Variants in MAPKAP1 observed in about 807,000 individuals in gnomAD.
MAPKAP1 encodes MAPK associated protein 1, also known as target of rapamycin complex 2 subunit MAPKAP1.
A neutral mutation model predicts 65.7 loss-of-function variants in MAPKAP1; 20 were observed. The ratio of observed to expected loss-of-function variants is 0.30; its 90% CI spans 0.21 to 0.44. The LOEUF (loss-of-function observed/expected upper bound fraction) is 0.44, where lower values mean the gene tolerates loss of function less well. Ranked by LOEUF, MAPKAP1 falls within the 20% of genes least tolerant of loss-of-function variation. The pLI, the probability that MAPKAP1 is intolerant of heterozygous loss-of-function variation, is 1.00. For missense variants in MAPKAP1, 423 were observed against 648.0 expected, an observed-to-expected ratio of 0.65 and a Z score of 3.77; for synonymous variants, 222 against 244.3, an observed-to-expected ratio of 0.91 and a Z score of 0.85.
intron 4 of MAPKAP1, among the ~76,000 whole-genome samples, chr9:125,602,146 G>C (rs1259449101): frequency 6.6e-6 from 1 of 152,110 alleles, no homozygotes; most frequent in Non-Finnish European, 1.5e-5. Flanking sequence ...TCAGCTATTC[G>C]GGAAGCTGAT....
Position 125,585,643 on chromosome 9 carries a change from C to T in MAPKAP1, c.583G>A (p.Val195Met), listed in dbSNP as rs369629455. Residue 195 changes from valine (V) to methionine (M), a missense_variant, in exon 5 of 12, where the codon GTG becomes ATG. By Grantham distance (21) the Val-to-Met change is conservative. Around this residue, in one of 6 missense-constraint regions of MAPKAP1, gnomAD observed 98 missense variants for 200.5 expected, o/e 0.49. Coordinates refer to ENST00000265960, the MANE Select transcript of MAPKAP1 (RefSeq NM_001006617.3). Reference protein sequence around the residue: ...SSQDRLLPMTVVTMASARVQD... With the variant: ...SSQDRLLPMTMVTMASARVQD... ...ACCCTGGCGCTGGCCATTGTCACCACGGTCATTGGCAGCAGTCTGTCCTGG... is the reference window on the plus strand; with the variant it reads ...ACCCTGGCGCTGGCCATTGTCACCATGGTCATTGGCAGCAGTCTGTCCTGG... 5 of 1,614,248 alleles carry T rather than the reference C, an allele frequency of 3.1e-6. No individual in the cohort carries two copies. Among genetic ancestry groups the T allele is most frequent in the South Asian group, 1.1e-5 (1 of 91,088 alleles).
At chr9:125,535,581 C>T (rs1366323902) in intron 7 of MAPKAP1, among the ~76,000 whole-genome samples, 1 of 152,160 alleles carries the variant, frequency 6.6e-6, no homozygotes, top group Non-Finnish European at 1.5e-5. Flanking sequence ...CTTGATTAAT[C>T]CTCACTCAGC....
At chr9:125,491,515 C>T (rs960592098) in intron 8 of MAPKAP1, among the ~76,000 whole-genome samples, 6 of 151,422 alleles carry the variant, frequency 4.0e-5, no homozygotes, top group South Asian at 2.1e-4. Context: ...GGTGGCTCAC[C>T]CCTGTAATCC....
At chr9:125,689,204 G>A (rs1351876223) in intron 1 of MAPKAP1, among the ~76,000 whole-genome samples, 10 of 150,570 alleles carry the variant, frequency 6.6e-5, no homozygotes, top group African/African-American at 2.2e-4. Flanking sequence ...TTGGGAGGCC[G>A]AGGTGGGCGG....
rs895852254 is a variant in MAPKAP1, at chr9:125,541,416, A to G, written c.958+1643T>C. On this transcript the variant is annotated intron_variant, in intron 7 of 11. Transcript: ENST00000265960. ...AAAAAGTTTCACCTTCTCCTTGGAC[A>G]CTTCAGAATAAGGCCTTCTTAGAAT... 3.3e-5 allele frequency among the ~76,000 whole-genome samples: 5 copies of G among 152,338 alleles called. No individual in the cohort carries two copies. The East Asian group carries it at 5.8e-4, about 18-fold the overall frequency.
At chr9:125,479,318 G>A (rs555459041) in intron 9 of MAPKAP1, among the ~76,000 whole-genome samples, 76 of 152,248 alleles carry the variant, frequency 5.0e-4, no homozygotes, top group Non-Finnish European at 8.8e-4. Flanking sequence ...GGTGGCTCAC[G>A]CCTGTAATCC....
intron 8 of MAPKAP1, among the ~76,000 whole-genome samples, chr9:125,502,434 G>T (rs1227183925): frequency 1.3e-5 from 2 of 152,030 alleles, no homozygotes; most frequent in Non-Finnish European, 1.5e-5. Flanking sequence ...TTGAATTAGA[G>T]GGCTGTAAAA....
intron 1 of MAPKAP1, among the ~76,000 whole-genome samples, chr9:125,683,457 C>A (rs1400200597): frequency 1.3e-5 from 2 of 152,150 alleles, no homozygotes; most frequent in Admixed American, 6.5e-5. Flanking sequence ...CTTGAAGAAG[C>A]AAACAGCTAT....
rs142176431 is a variant in MAPKAP1 at position 125,684,332 on chromosome 9, T to C, written c.-69-11689A>G. 4.4e-3 allele frequency among the ~76,000 whole-genome samples: 668 copies of C among 152,248 alleles called. 6 individuals are homozygous for C. The highest frequency in any genetic ancestry group is 0.015 in the African/African-American group (624 of 41,534). On this transcript the variant is annotated intron_variant, in intron 1 of 11. Transcript: ENST00000265960. ...TACAACTAGAGATGGCTGCTATTAG[T>C]AGCCAGTGGGTAGATGCCAGTGACG...
At chr9:125,663,654 A>G (rs1834253720) in intron 3 of MAPKAP1, among the ~76,000 whole-genome samples, 1 of 152,172 alleles carries the variant, frequency 6.6e-6, no homozygotes, top group Admixed American at 6.5e-5. Context: ...AGTCTGGACC[A>G]GAGAAGTAGA....
rs1236420750 is a variant in MAPKAP1, at chr9:125,624,440, G to C, written c.498+33211C>G. On this transcript the variant is annotated intron_variant, in intron 4 of 11. Transcript: ENST00000265960. Reference sequence around the variant, plus strand: ...CCCGTCCGGGAGGGAGGTGGGGGGGGTCAGCCCCCACGCCCGGCCAGCCGC... The same window carrying C: ...CCCGTCCGGGAGGGAGGTGGGGGGGCTCAGCCCCCACGCCCGGCCAGCCGC... 5.8e-4 allele frequency among the ~76,000 whole-genome samples: 66 copies of C among 113,892 alleles called. 4 individuals carry two copies. The highest frequency in any genetic ancestry group is 1.9e-3 in the African/African-American group (58 of 30,534). 74.7% of individuals were successfully genotyped at this position (113,892 alleles called of 152,430 possible).
intron 4 of MAPKAP1, among the ~76,000 whole-genome samples, chr9:125,651,745 G>C (rs922467233): frequency 9.9e-5 from 15 of 152,192 alleles, no homozygotes; most frequent in African/African-American, 3.4e-4. Context: ...AACTCTTACT[G>C]AAAGGAGCAG....
At position 125,672,464 on chromosome 9, in the gene MAPKAP1, G is replaced by C; in HGVS notation, c.111C>G (p.Asp37Glu). Reference sequence around the variant, plus strand: ...TTGAAGGAGGATGAATCTTCTCTAGGTCAACATCATGATCAATGAGAACCA... The same window carrying C: ...TTGAAGGAGGATGAATCTTCTCTAGCTCAACATCATGATCAATGAGAACCA... ...CEMVLIDHDV[D>E]LEKIHPPSMP... The change falls in exon 2 of 12, where the codon GAC becomes GAG. Residue 37 changes from aspartate (D) to glutamate (E), a missense_variant. Coordinates refer to ENST00000265960, the MANE Select transcript of MAPKAP1 (RefSeq NM_001006617.3). 6.2e-7 allele frequency: 1 copy of C among 1,614,082 alleles called. No homozygotes were observed. Among genetic ancestry groups the C allele is most frequent in the Non-Finnish European group, 8.5e-7 (1 of 1,180,028 alleles).
rs1835795663 is a variant in MAPKAP1, at chr9:125,707,202, A to C, written c.-301T>G. ...CAGCAGCCCTATTACCCCGAGCCGC[A>C]CACGACCCGGAACCACACCCCGGCG... On this transcript the variant is annotated 5_prime_UTR_variant, in exon 1 of 12. Coordinates refer to ENST00000265960, the MANE Select transcript of MAPKAP1 (RefSeq NM_001006617.3). 2.5e-6 allele frequency: 1 copy of C among 397,712 alleles called. No homozygotes were observed. Among genetic ancestry groups the C allele is most frequent in the Non-Finnish European group, 4.4e-6 (1 of 225,552 alleles). The allele number at this position is 397,712 out of a possible 1,614,324, so 24.6% of individuals were successfully genotyped here.
chr9:125,503,936 C>T (rs1487129146), intron 8 of MAPKAP1, among the ~76,000 whole-genome samples: 1 of 130,522 alleles, frequency 7.7e-6, no homozygotes, highest in East Asian at 2.5e-4. Flanking sequence ...GGGGGTTTGC[C>T]ATGTTGGCCA....
At chr9:125,620,556 A>G (rs1223155091) in intron 4 of MAPKAP1, among the ~76,000 whole-genome samples, 1 of 152,236 alleles carries the variant, frequency 6.6e-6, no homozygotes, top group African/African-American at 2.4e-5. Context: ...TATGTACAAG[A>G]TTATTCACCA....
At chr9:125,502,858 G>A (rs1829025187) in intron 8 of MAPKAP1, among the ~76,000 whole-genome samples, 1 of 152,082 alleles carries the variant, frequency 6.6e-6, no homozygotes, top group Non-Finnish European at 1.5e-5. Context: ...TGTATTTGCT[G>A]TTTCAATTAC....
chr9:125,494,154 A>G (rs932947086), intron 8 of MAPKAP1, among the ~76,000 whole-genome samples: 17 of 151,346 alleles, frequency 1.1e-4, no homozygotes, highest in African/African-American at 3.4e-4. Context: ...CATCCATCAC[A>G]TTTTTTTTTC....
chr9:125,442,653 G>A (rs1206172334), intron 11 of MAPKAP1, among the ~76,000 whole-genome samples: 2 of 151,784 alleles, frequency 1.3e-5, no homozygotes, highest in Admixed American at 6.6e-5. Flanking sequence ...TGGGTAACTC[G>A]AAGCTCGCTG....
Sources: gnomAD v4.1 joint callset for allele counts (sites outside exome capture counted in the v4.1 genomes callset) on GRCh38, gnomAD v4.1.1 for gene constraint, gnomAD v4.1.1 regional missense constraint, MANE v1.5 for transcripts, NCBI Gene and HGNC (gene_info 2026-07-23, HGNC 2026-07-21) for gene names.